MAF: variants seen among roughly 807,000 people sequenced by gnomAD.
MAF encodes the protein MAF bZIP transcription factor.
Under a neutral mutation model 22.0 loss-of-function variants are expected in MAF, and 10 were observed. The ratio of observed to expected loss-of-function variants is 0.45; its 90% confidence interval spans 0.28 to 0.77. The LOEUF (loss-of-function observed/expected upper bound fraction) is 0.77, where lower values mean the gene tolerates loss of function less well. Ranked by LOEUF, MAF falls within the 30% of genes least tolerant of loss-of-function variation. The pLI is 0.12. For missense variants in MAF, 544 were observed against 548.4 expected (o/e 0.99, Z 0.08); for synonymous variants, 337 against 255.8 (o/e 1.32, Z -3.03).
At chr16:79,274,395 C>A in the MAF span, among the ~76,000 whole-genome samples, 1 of 152,076 alleles carries the variant, frequency 6.6e-6, no homozygotes, top group Non-Finnish European at 1.5e-5. Flanking sequence ...ATTCAGGTTG[C>A]GCAATTCCAG....
the MAF span, among the ~76,000 whole-genome samples, chr16:79,571,631 G>A: frequency 6.9e-6 from 1 of 144,808 alleles, no homozygotes; most frequent in Non-Finnish European, 1.5e-5. Context: ...GCCAAGAACT[G>A]CATCCTGTAG....
the MAF span, among the ~76,000 whole-genome samples, chr16:79,399,790 G>C: frequency 3.6e-4 from 55 of 152,296 alleles, no homozygotes; most frequent in East Asian, 8.3e-3. Context: ...GCAGGGTGAA[G>C]ATTCGTCCCA....
the MAF span, among the ~76,000 whole-genome samples, chr16:79,388,092 A>G: frequency 1.6e-4 from 24 of 152,172 alleles, no homozygotes; most frequent in Admixed American, 8.5e-4. Context: ...CACAGCGTCC[A>G]CTCTCCTGGT....
chr16:79,203,223 A>G, the MAF span: 5 of 152,324 alleles, frequency 3.3e-5, no homozygotes, highest in African/African-American at 1.2e-4. Flanking sequence ...TTATGGAAGT[A>G]ATATAAATGA....
At chr16:79,363,187 T>C in the MAF span, among the ~76,000 whole-genome samples, 2 of 148,916 alleles carry the variant, frequency 1.3e-5, no homozygotes, top group South Asian at 2.1e-4. Context: ...GATGCAAAGA[T>C]GAACAAGGGT....
At chr16:79,576,085 G>A in the MAF span, among the ~76,000 whole-genome samples, 1 of 151,956 alleles carries the variant, frequency 6.6e-6, no homozygotes, top group African/African-American at 2.4e-5. Context: ...ACCCTCATAA[G>A]GTTTTCTTAT....
At chr16:79,329,573 G>A in the MAF span, among the ~76,000 whole-genome samples, 2 of 152,152 alleles carry the variant, frequency 1.3e-5, no homozygotes, top group South Asian at 4.2e-4. Context: ...CAACAAAGTG[G>A]AAAAAAGACA....
At chr16:79,361,311 G>T in the MAF span, among the ~76,000 whole-genome samples, 1 of 152,096 alleles carries the variant, frequency 6.6e-6, no homozygotes, top group African/African-American at 2.4e-5. Context: ...CCCTCCTCTA[G>T]GTGTACCCAG....
the MAF span, among the ~76,000 whole-genome samples, chr16:79,401,899 G>A: frequency 2.0e-5 from 3 of 152,140 alleles, no homozygotes; most frequent in Non-Finnish European, 4.4e-5. Context: ...CAGGCCTGCC[G>A]CATGCCCCTG....
chr16:79,474,011 T>A, the MAF span, among the ~76,000 whole-genome samples: 1 of 151,918 alleles, frequency 6.6e-6, no homozygotes, highest in Non-Finnish European at 1.5e-5. Flanking sequence ...AGCATTCTTA[T>A]GTCTATAAGG....
the MAF span, among the ~76,000 whole-genome samples, chr16:79,553,426 C>G: frequency 2.6e-5 from 4 of 152,346 alleles, no homozygotes; most frequent in South Asian, 8.3e-4. Flanking sequence ...AACCTTATGC[C>G]TCTCCTGTTA....
the MAF span, among the ~76,000 whole-genome samples, chr16:79,498,743 A>G: frequency 6.6e-6 from 1 of 152,206 alleles, no homozygotes; most frequent in Non-Finnish European, 1.5e-5. Flanking sequence ...CTTGTATATA[A>G]CATAACCTCT....
At chr16:79,571,523 C>G in the MAF span, among the ~76,000 whole-genome samples, 1 of 136,148 alleles carries the variant, frequency 7.3e-6, no homozygotes, top group Admixed American at 8.3e-5. Context: ...AAAAACATCT[C>G]AGCGGAATTT....
At chr16:79,390,875 GT>G in the MAF span, among the ~76,000 whole-genome samples, 1 of 152,174 alleles carries the variant, frequency 6.6e-6, no homozygotes, top group Non-Finnish European at 1.5e-5. Flanking sequence ...ACACCTGGGC[GT>G]TGGACCATGC....
At chr16:79,511,794 G>A in the MAF span, among the ~76,000 whole-genome samples, 1 of 152,242 alleles carries the variant, frequency 6.6e-6, no homozygotes, top group South Asian at 2.1e-4. Context: ...CTTGCCCAGG[G>A]TCACACATCT....
At chr16:79,204,468 G>C in the MAF span, 3 of 152,076 alleles carry the variant, frequency 2.0e-5, no homozygotes. Flanking sequence ...AATAATAGCA[G>C]GTCTCAGAAA....
At chr16:79,557,481 G>C in the MAF span, among the ~76,000 whole-genome samples, 1 of 152,164 alleles carries the variant, frequency 6.6e-6, no homozygotes, top group Admixed American at 6.5e-5. Flanking sequence ...AAGAAACTAA[G>C]ATTGTTTTGG....
the MAF span, among the ~76,000 whole-genome samples, chr16:79,556,350 C>T: frequency 2.0e-5 from 3 of 152,168 alleles, no homozygotes; most frequent in Non-Finnish European, 4.4e-5. Context: ...AGCTCAAGCT[C>T]CCTCCTCAAG....
chr16:79,512,651 C>T, the MAF span, among the ~76,000 whole-genome samples: 1 of 152,126 alleles, frequency 6.6e-6, no homozygotes. Flanking sequence ...TTTATGAAAA[C>T]AACTGTTTAA....
Sources: gnomAD v4.1 joint callset for allele counts (sites outside exome capture counted in the v4.1 genomes callset) on GRCh38, gnomAD v4.1.1 for gene constraint, MANE v1.5 for transcripts, NCBI Gene and HGNC (gene_info 2026-07-23, HGNC 2026-07-21) for gene names.